The following MTUS2 variants were observed in gnomAD, a reference collection of about 807,000 sequenced individuals.
MTUS2 encodes the protein microtubule associated scaffold protein 2, also known as microtubule-associated tumor suppressor candidate 2.
Under a neutral mutation model 114.1 loss-of-function variants are expected in MTUS2, and 40 were observed. The observed-to-expected ratio is 0.35, with a 90% CI of 0.27 to 0.46. The LOEUF is 0.46. Ranked by LOEUF, MTUS2 falls within the 20% of genes least tolerant of loss-of-function variation. The pLI is 1.00. For synonymous variants in MTUS2, 688 were observed against 672.0 expected (o/e 1.02, Z -0.37); for missense variants, 1,679 against 1,705.4 (o/e 0.98, Z 0.27).
chr13:28,883,854 C>T (rs1219270812), intron 2 of MTUS2, among the ~76,000 whole-genome samples: 1 of 151,842 alleles, frequency 6.6e-6, no homozygotes, highest in African/African-American at 2.4e-5. Context: ...ATTATAATGG[C>T]AATTATTTAG....
intron 5 of MTUS2, among the ~76,000 whole-genome samples, chr13:29,174,763 A>G (rs1893702925): frequency 6.6e-6 from 1 of 152,168 alleles, no homozygotes; most frequent in Non-Finnish European, 1.5e-5. Flanking sequence ...GAATAAATGG[A>G]AGGGTTTGTC....
At chr13:29,410,617 T>TA (rs1328227771) in intron 8 of MTUS2, among the ~76,000 whole-genome samples, 5 of 152,226 alleles carry the variant, frequency 3.3e-5, no homozygotes, top group Non-Finnish European at 7.3e-5. Flanking sequence ...GAGTTTTTTA[T>TA]ATATTACAGA....
chr13:29,375,626 T>A (rs572747899), intron 8 of MTUS2, among the ~76,000 whole-genome samples: 245 of 6,662 alleles, frequency 0.037, 54 homozygotes, highest in Middle Eastern at 0.2. Context: ...TATATATATA[T>A]ATATATATAT....
intron 4 of MTUS2, among the ~76,000 whole-genome samples, chr13:29,086,809 T>C (rs2479790): frequency 0.65 from 98,205 of 152,012 alleles, 32,828 homozygotes; most frequent in Non-Finnish European, 0.74. Flanking sequence ...AGCAATGTTT[T>C]GCAGTTTTTG....
At chr13:29,278,318 G>A (rs1056264198) in intron 5 of MTUS2, among the ~76,000 whole-genome samples, 2 of 152,110 alleles carry the variant, frequency 1.3e-5, no homozygotes, top group African/African-American at 4.8e-5. Context: ...CTCAATAAAG[G>A]CACCATAAGT....
At chr13:28,842,873 T>C (rs935248358) in intron 2 of MTUS2, among the ~76,000 whole-genome samples, 7 of 152,208 alleles carry the variant, frequency 4.6e-5, no homozygotes, top group African/African-American at 1.7e-4. Flanking sequence ...AGTTCAGTAC[T>C]GTGCTGAGCC....
intron 5 of MTUS2, among the ~76,000 whole-genome samples, chr13:29,222,482 A>T (rs1334284257): frequency 6.6e-6 from 1 of 152,228 alleles, no homozygotes; most frequent in Admixed American, 6.5e-5. Flanking sequence ...TTTTGGGATA[A>T]CTGATATTTA....
intron 5 of MTUS2, among the ~76,000 whole-genome samples, chr13:29,216,580 A>G (rs576136787): frequency 1.3e-5 from 2 of 152,316 alleles, no homozygotes; most frequent in South Asian, 2.1e-4. Context: ...GCTGGATAGC[A>G]GAGTCCCTTA....
At chr13:29,402,486 T>C (rs939613109) in intron 8 of MTUS2, among the ~76,000 whole-genome samples, 3 of 151,730 alleles carry the variant, frequency 2.0e-5, no homozygotes, top group African/African-American at 4.8e-5. Context: ...ACAGAGATAA[T>C]AGTGGGCAGC....
chr13:29,275,214 CTT>C (rs1307730186), intron 5 of MTUS2, among the ~76,000 whole-genome samples: 2 of 151,794 alleles, frequency 1.3e-5, no homozygotes, highest in South Asian at 2.1e-4. Flanking sequence ...TTTAAAAACT[CTT>C]TGTTAATATT....
intron 5 of MTUS2, among the ~76,000 whole-genome samples, chr13:29,279,833 G>C (rs1262613181): frequency 4.9e-4 from 75 of 152,326 alleles, no homozygotes; most frequent in Non-Finnish European, 2.9e-5. Flanking sequence ...AATGATGCCA[G>C]ATGCAAGAGG....
At chr13:29,376,895 A>G (rs1871794594) in intron 8 of MTUS2, among the ~76,000 whole-genome samples, 1 of 152,228 alleles carries the variant, frequency 6.6e-6, no homozygotes, top group Non-Finnish European at 1.5e-5. Flanking sequence ...GGCTTCAAAT[A>G]TAATGATATA....
intron 1 of MTUS2, among the ~76,000 whole-genome samples, chr13:28,836,062 A>G (rs977349493): frequency 5.3e-5 from 8 of 152,218 alleles, no homozygotes; most frequent in African/African-American, 1.9e-4. Flanking sequence ...TTTCTGTTCA[A>G]TAGAAATATA....
At chr13:29,199,490 G>A (rs368810499) in intron 5 of MTUS2, among the ~76,000 whole-genome samples, 1 of 152,080 alleles carries the variant, frequency 6.6e-6, no homozygotes, top group Admixed American at 6.6e-5. Context: ...GATGGATTAG[G>A]TTTATTGATT....
chr13:29,013,433 C>T (rs1012341028), intron 2 of MTUS2, among the ~76,000 whole-genome samples: 5 of 152,092 alleles, frequency 3.3e-5, no homozygotes, highest in Admixed American at 2.0e-4. Flanking sequence ...GAACAGATAA[C>T]GCTCAGTTTT....
intron 5 of MTUS2, among the ~76,000 whole-genome samples, chr13:29,253,769 T>C (rs1383507068): frequency 2.0e-5 from 3 of 152,108 alleles, no homozygotes; most frequent in Non-Finnish European, 4.4e-5. Flanking sequence ...TGGAGAGGCG[T>C]CACAATCATG....
At chr13:29,158,858 G>A (rs924771785) in intron 5 of MTUS2, among the ~76,000 whole-genome samples, 4 of 152,292 alleles carry the variant, frequency 2.6e-5, no homozygotes, top group African/African-American at 9.6e-5. Context: ...GATGGAACCA[G>A]GGTCTGGTCT....
At chr13:29,167,614 A>T (rs1893371444) in intron 5 of MTUS2, among the ~76,000 whole-genome samples, 1 of 152,116 alleles carries the variant, frequency 6.6e-6, no homozygotes, top group South Asian at 2.1e-4. Context: ...ATCAAAATAT[A>T]TTTTATGAAA....
intron 5 of MTUS2, among the ~76,000 whole-genome samples, chr13:29,110,923 C>T (rs1197065578): frequency 6.6e-6 from 1 of 152,088 alleles, no homozygotes; most frequent in Non-Finnish European, 1.5e-5. Context: ...GACATATTAG[C>T]ATGTATAATA....
Sources: allele counts gnomAD v4.1 joint callset (sites outside exome capture counted in the v4.1 genomes callset), GRCh38; gene constraint gnomAD v4.1.1; transcripts MANE v1.5; gene names NCBI Gene and HGNC (gene_info 2026-07-23, HGNC 2026-07-21).